The following FHIT variants were observed in gnomAD, a reference collection of about 807,000 sequenced individuals.
FHIT encodes the protein fragile histidine triad diadenosine triphosphatase, also known as bis(5'-adenosyl)-triphosphatase.
Under a neutral mutation model 17.9 loss-of-function variants are expected in FHIT, and 19 were observed. The observed-to-expected ratio is 1.06, with a 90% CI of 0.74 to 1.56. The LOEUF is 1.56. Among genes scored for constraint, FHIT ranks in the 40% most tolerant of loss-of-function variants. FHIT has a pLI of 0.00. For missense variants in FHIT, 248 were observed against 189.2 expected (o/e 1.31, Z -1.82); for synonymous variants, 81 against 69.7 (o/e 1.16, Z -0.81).
At chr3:61,105,411 G>A (rs2035961659) in intron 2 of FHIT, among the ~76,000 whole-genome samples, 2 of 152,180 alleles carry the variant, frequency 1.3e-5, no homozygotes, top group Non-Finnish European at 2.9e-5. Context: ...TTTTAAAACA[G>A]GAAATGGCAT....
At chr3:60,152,959 G>A (rs955535899) in intron 5 of FHIT, among the ~76,000 whole-genome samples, 1 of 152,280 alleles carries the variant, frequency 6.6e-6, no homozygotes, top group Non-Finnish European at 1.5e-5. Context: ...GGAAGGCCAA[G>A]TGAAATCCTG....
In FHIT at chr3:60,752,440, G is replaced by A. The variant is rs546629914; in HGVS notation, c.-18+69479C>T. On this transcript the variant is annotated intron_variant, in intron 4 of 9. Transcript: ENST00000492590. ...GGCTTCTGTGCAGCAGCAGGGCCATGGAGTGGAAACTGGAAGGCGACTGGG... is the reference window on the plus strand; with the variant it reads ...GGCTTCTGTGCAGCAGCAGGGCCATAGAGTGGAAACTGGAAGGCGACTGGG... 2.6e-5 allele frequency among the ~76,000 whole-genome samples: 4 copies of A among 152,310 alleles called. No homozygotes were observed. The South Asian group carries it at 8.3e-4, about 32-fold the overall frequency.
At chr3:60,726,441 T>C (rs1553709590) in intron 4 of FHIT, among the ~76,000 whole-genome samples, 1 of 152,126 alleles carries the variant, frequency 6.6e-6, no homozygotes. Context: ...AAGTAAAAAA[T>C]AACTTTGAAA....
intron 3 of FHIT, among the ~76,000 whole-genome samples, chr3:60,913,374 C>G (rs1264155592): frequency 6.6e-6 from 1 of 152,208 alleles, no homozygotes; most frequent in African/African-American, 2.4e-5. Context: ...CCATGCTACT[C>G]AAACTGTGAA....
chr3:60,923,893 G>A (rs782780971), intron 3 of FHIT, among the ~76,000 whole-genome samples: 2 of 152,176 alleles, frequency 1.3e-5, no homozygotes, highest in Non-Finnish European at 2.9e-5. Flanking sequence ...CTTAGCAAAC[G>A]GCACATCAGG....
At chr3:60,789,644 A>G (rs2108116605) in intron 4 of FHIT, among the ~76,000 whole-genome samples, 1 of 152,312 alleles carries the variant, frequency 6.6e-6, no homozygotes, top group East Asian at 1.9e-4. Flanking sequence ...CTGACATCTA[A>G]GTTCTTTGGA....
intron 7 of FHIT, among the ~76,000 whole-genome samples, chr3:59,943,107 G>T (rs935932640): frequency 6.6e-6 from 1 of 151,752 alleles, no homozygotes; most frequent in African/African-American, 2.4e-5. Context: ...AAATCTGTGG[G>T]CACATCCTCA....
chr3:60,346,335 A>G (rs1245440412), intron 5 of FHIT, among the ~76,000 whole-genome samples: 1 of 152,240 alleles, frequency 6.6e-6, no homozygotes, highest in Admixed American at 6.5e-5. Flanking sequence ...ATCTGAAGTC[A>G]CAAGCCTATA....
chr3:61,188,815 G>C, intron 2 of FHIT, among the ~76,000 whole-genome samples: 1 of 151,996 alleles, frequency 6.6e-6, no homozygotes. Flanking sequence ...CATATAAACA[G>C]AACCAAAGAC....
At chr3:60,273,651 ATGC>A (rs749883434) in intron 5 of FHIT, among the ~76,000 whole-genome samples, 17 of 152,284 alleles carry the variant, frequency 1.1e-4, no homozygotes, top group Admixed American at 5.9e-4. Flanking sequence ...TATAATGATC[ATGC>A]TGATCATACT....
At chr3:60,067,621 A>G (rs927078247) in intron 5 of FHIT, among the ~76,000 whole-genome samples, 1 of 152,170 alleles carries the variant, frequency 6.6e-6, no homozygotes, top group African/African-American at 2.4e-5. Context: ...TGTTTGGTGG[A>G]TATTGATCTG....
intron 5 of FHIT, among the ~76,000 whole-genome samples, chr3:60,017,203 G>A (rs1271964934): frequency 6.6e-6 from 1 of 152,132 alleles, no homozygotes; most frequent in Admixed American, 6.5e-5. Context: ...TTAAATAGAA[G>A]GCTATGATGC....
chr3:59,962,566 A>T (rs1273352313), intron 7 of FHIT, among the ~76,000 whole-genome samples: 1 of 152,206 alleles, frequency 6.6e-6, no homozygotes, highest in East Asian at 1.9e-4. Flanking sequence ...CCTAAGCAAA[A>T]GGACAGCTAA....
At chr3:60,291,217 A>G (rs538998831) in intron 5 of FHIT, among the ~76,000 whole-genome samples, 49 of 152,202 alleles carry the variant, frequency 3.2e-4, no homozygotes, top group South Asian at 1.5e-3. Flanking sequence ...CCACAGGGAA[A>G]TACAGGGGGT....
chr3:60,050,527 G>A (rs919661483), intron 5 of FHIT, among the ~76,000 whole-genome samples: 1 of 152,142 alleles, frequency 6.6e-6, no homozygotes, highest in African/African-American at 2.4e-5. Context: ...CTTACTGAAA[G>A]AATGTATGTG....
chr3:59,833,919 G>A (rs1269448430), intron 8 of FHIT, among the ~76,000 whole-genome samples: 3 of 152,130 alleles, frequency 2.0e-5, no homozygotes, highest in South Asian at 2.1e-4. Flanking sequence ...TGTGAAGAAG[G>A]TGCCTGCATC....
chr3:60,110,556 TCTGTTTC>T (rs1270181146), intron 5 of FHIT, among the ~76,000 whole-genome samples: 1 of 152,190 alleles, frequency 6.6e-6, no homozygotes, highest in African/African-American at 2.4e-5. Context: ...AAGTTCAAAT[TCTGTTTC>T]CATCTTTGGT....
chr3:60,323,180 C>T (rs973419889), intron 5 of FHIT, among the ~76,000 whole-genome samples: 16 of 152,086 alleles, frequency 1.1e-4, no homozygotes, highest in Non-Finnish European at 1.8e-4. Context: ...AGTACCTCCT[C>T]CCTCAAGGGG....
chr3:59,883,560 G>C (rs1703494536), intron 8 of FHIT, among the ~76,000 whole-genome samples: 1 of 152,202 alleles, frequency 6.6e-6, no homozygotes, highest in South Asian at 2.1e-4. Context: ...ATCTCTTACA[G>C]GGTCCGTCTC....
Sources: gnomAD v4.1 joint callset for allele counts (sites outside exome capture counted in the v4.1 genomes callset) on GRCh38, gnomAD v4.1.1 for gene constraint, MANE v1.5 for transcripts, NCBI Gene and HGNC (gene_info 2026-07-23, HGNC 2026-07-21) for gene names.